The following OR3A2 variants were observed in gnomAD, a reference collection of about 807,000 sequenced individuals.
OR3A2 encodes the protein olfactory receptor family 3 subfamily A member 2.
For synonymous variants in OR3A2, 126 were observed against 159.3 expected (o/e 0.79, Z 1.57); for missense variants, 318 against 392.8 (o/e 0.81, Z 1.61).
chr17:3,330,893 T>C (rs2049226424), intron 3 of OR3A2, among the ~76,000 whole-genome samples: 1 of 152,094 alleles, frequency 6.6e-6, no homozygotes, highest in Admixed American at 6.6e-5. Flanking sequence ...CAGGAGCTCT[T>C]TTAGGGCAGG....
intron 2 of OR3A2, among the ~76,000 whole-genome samples, chr17:3,353,131 T>G (rs2049434217): frequency 7.1e-6 from 1 of 141,396 alleles, no homozygotes; most frequent in East Asian, 2.2e-4. Flanking sequence ...TTTTTTTTTT[T>G]GAAGGGTATA....
intron 3 of OR3A2, among the ~76,000 whole-genome samples, chr17:3,330,539 C>T (rs1420139037): frequency 6.6e-6 from 1 of 152,042 alleles, no homozygotes; most frequent in Non-Finnish European, 1.5e-5. Context: ...GCAACCCCTG[C>T]CTTTTTTTTG....
chr17:3,385,055 G>A (rs1323257116), intron 1 of OR3A2, among the ~76,000 whole-genome samples: 8 of 152,118 alleles, frequency 5.3e-5, no homozygotes, highest in Admixed American at 1.3e-4. Context: ...TTAGCCGGGC[G>A]TGGTGGCGCA....
At chr17:3,284,936 G>A (rs111862446), upstream of OR3A2, among the ~76,000 whole-genome samples, 974 of 152,192 alleles carry the variant, frequency 6.4e-3, 8 homozygotes, top group African/African-American at 0.021. Context: ...GGAGATAAGA[G>A]GGAAAAGCTT....
chr17:3,299,429 A>C lies in OR3A2; in HGVS notation c.-84-20276T>G, dbSNP rs73977646. ...ATTGCATCTTGGGGACCCCATCATG[A>C]CTTTGGAATTGGTGGTAGAAGAGCT... On this transcript the variant is annotated intron_variant, in intron 3 of 4. Transcript: ENST00000573491. Among the ~76,000 whole-genome samples the C allele has an allele frequency of 9.7e-3, 1,480 of 152,232 alleles. 27 individuals carry two copies. The highest frequency in any genetic ancestry group is 0.033 in the African/African-American group (1,383 of 41,516).
chr17:3,319,418 C>G (rs1481853849), intron 3 of OR3A2, among the ~76,000 whole-genome samples: 1 of 151,792 alleles, frequency 6.6e-6, no homozygotes, highest in Non-Finnish European at 1.5e-5. Flanking sequence ...GGTACATGTG[C>G]ACAACATGCA....
At chr17:3,331,172 T>C (rs1320346729) in intron 3 of OR3A2, among the ~76,000 whole-genome samples, 2 of 152,150 alleles carry the variant, frequency 1.3e-5, no homozygotes. Context: ...TCAACTTCGG[T>C]GAATCTGACA....
chr17:3,290,270 C>T (rs1197387622), intron 3 of OR3A2, among the ~76,000 whole-genome samples: 3 of 152,080 alleles, frequency 2.0e-5, no homozygotes, highest in African/African-American at 4.8e-5. Flanking sequence ...TTTATGCCCC[C>T]GCTTTCTTCC....
chr17:3,372,950 C>A (rs973910472), intron 2 of OR3A2, among the ~76,000 whole-genome samples: 1 of 149,188 alleles, frequency 6.7e-6, no homozygotes, highest in African/African-American at 2.5e-5. Flanking sequence ...ATGCTATGAA[C>A]TTTCCTCTTA....
intron 3 of OR3A2, among the ~76,000 whole-genome samples, chr17:3,329,876 G>T (rs1281599673): frequency 5.4e-5 from 7 of 129,406 alleles, no homozygotes; most frequent in Non-Finnish European, 1.1e-4. Flanking sequence ...TCTACACACT[G>T]CTTTGAATGT....
At chr17:3,371,538 T>G (rs1208556911) in intron 2 of OR3A2, among the ~76,000 whole-genome samples, 3 of 135,842 alleles carry the variant, frequency 2.2e-5, no homozygotes, top group African/African-American at 2.8e-5. Flanking sequence ...ACCACCTCCC[T>G]CCCGGACGGG....
chr17:3,362,109 A>T lies in OR3A2; in HGVS notation c.-179+21695T>A, dbSNP rs1161454406. Among the ~76,000 whole-genome samples, 3 of 151,660 alleles carry T rather than the reference A, an allele frequency of 2.0e-5. No individual in the cohort carries two copies. In the East Asian group the frequency reaches 5.8e-4, roughly 29 times the overall value. On this transcript the variant is annotated intron_variant, in intron 2 of 4. Coordinates refer to the OR3A2 transcript ENST00000573491. ...CAATTTCAGAGCCTGTTATTGGTCTATTCAGAGATTCAACTTCTTCCTGGT... is the reference window on the plus strand; with the variant it reads ...CAATTTCAGAGCCTGTTATTGGTCTTTTCAGAGATTCAACTTCTTCCTGGT...
chr17:3,324,614 T>C (rs1477916594), intron 3 of OR3A2, among the ~76,000 whole-genome samples: 1 of 152,140 alleles, frequency 6.6e-6, no homozygotes. Flanking sequence ...TGGAGTTTGC[T>C]AGAGGTCCAC....
At chr17:3,319,538 C>CA (rs1263345574) in intron 3 of OR3A2, among the ~76,000 whole-genome samples, 2 of 152,060 alleles carry the variant, frequency 1.3e-5, no homozygotes, top group African/African-American at 4.8e-5. Flanking sequence ...CCCACCACCC[C>CA]ACAACAGTCC....
At chr17:3,354,624 G>A (rs756347432) in intron 2 of OR3A2, among the ~76,000 whole-genome samples, 6 of 151,016 alleles carry the variant, frequency 4.0e-5, no homozygotes, top group Non-Finnish European at 7.4e-5. Context: ...CTTCATCTCC[G>A]ATTTTATTTA....
intron 3 of OR3A2, among the ~76,000 whole-genome samples, chr17:3,326,293 T>C (rs755229954): frequency 6.6e-6 from 1 of 152,118 alleles, no homozygotes; most frequent in Non-Finnish European, 1.5e-5. Flanking sequence ...TCTATTCATT[T>C]GGGTTTATAC....
intron 2 of OR3A2, among the ~76,000 whole-genome samples, chr17:3,369,675 T>C (rs1307735915): frequency 6.6e-6 from 1 of 152,178 alleles, no homozygotes; most frequent in Non-Finnish European, 1.5e-5. Context: ...TCATCTAGGA[T>C]ATTGGTCTGT....
chr17:3,279,056 C>G lies in OR3A2; in HGVS notation c.-6-133G>C, dbSNP rs2048761999. ...CCATCCCTCACTCGTTGACCTCCTC[C>G]ATCACCTCAATGCCTTTACCTTGCT... On this transcript the variant is annotated intron_variant, in intron 1 of 1. Transcript: ENST00000642052. The G allele has an allele frequency of 6.9e-7, 1 of 1,452,560 alleles. No individual in the cohort carries two copies. Among genetic ancestry groups the G allele is most frequent in the Non-Finnish European group, 9.3e-7 (1 of 1,079,598 alleles). 90.0% of individuals were successfully genotyped at this position (1,452,560 alleles called of 1,614,324 possible). A position where few individuals can be genotyped will look rare whatever the true frequency, so the allele number is the denominator to read the frequency against.
At chr17:3,351,795 A>G (rs2049422247) in intron 2 of OR3A2, among the ~76,000 whole-genome samples, 1 of 152,174 alleles carries the variant, frequency 6.6e-6, no homozygotes, top group Admixed American at 6.6e-5. Flanking sequence ...CTGCAAGGCT[A>G]CAGTAACCAA....
Sources: allele counts gnomAD v4.1 joint callset (sites outside exome capture counted in the v4.1 genomes callset), GRCh38; gene constraint gnomAD v4.1.1; transcripts MANE v1.5; gene names NCBI Gene and HGNC (gene_info 2026-07-23, HGNC 2026-07-21).